PRKAR1B: variants seen among roughly 807,000 people sequenced by gnomAD.
The protein encoded by PRKAR1B is protein kinase cAMP-dependent type I regulatory subunit beta, also known as cAMP-dependent protein kinase type I-beta regulatory subunit.
In PRKAR1B, 22 loss-of-function variants were observed where a neutral mutation model predicts 46.5. The observed-to-expected ratio is 0.47, with a 90% CI of 0.34 to 0.68. The LOEUF is 0.68. PRKAR1B is among the 30% of genes least tolerant of loss of function. The pLI is 0.01. For synonymous variants in PRKAR1B, 259 were observed against 217.7 expected, an observed-to-expected ratio of 1.19 and a Z score of -1.67; for missense variants, 445 against 535.6, an observed-to-expected ratio of 0.83 and a Z score of 1.67.
At chr7:569,747 G>A (rs1562525989) in intron 9 of PRKAR1B, among the ~76,000 whole-genome samples, 1 of 152,166 alleles carries the variant, frequency 6.6e-6, no homozygotes, top group African/African-American at 2.4e-5. Context: ...CTGGCACCTG[G>A]TGGACAGCAG....
intron 9 of PRKAR1B, among the ~76,000 whole-genome samples, chr7:570,066 TC>T (rs1186431214): frequency 2.0e-5 from 3 of 152,228 alleles, no homozygotes; most frequent in African/African-American, 7.2e-5. Context: ...CGCTGAGATT[TC>T]CCTCAGACAG....
At chr7:686,193 C>T (rs1264125864) in intron 2 of PRKAR1B, among the ~76,000 whole-genome samples, 5 of 151,744 alleles carry the variant, frequency 3.3e-5, no homozygotes, top group Admixed American at 2.6e-4. Context: ...CCCAGCTACT[C>T]GGGAGGCTGA....
chr7:607,254 T>G, intron 5 of PRKAR1B, 137 bp downstream of exon 5: 1 of 708,392 alleles, frequency 1.4e-6, no homozygotes, highest in Non-Finnish European at 2.3e-6. Flanking sequence ...CCTCAGGTGA[T>G]CTGCCCACCT....
At chr7:615,746 T>C (rs1195851942) in intron 4 of PRKAR1B, among the ~76,000 whole-genome samples, 1 of 136,120 alleles carries the variant, frequency 7.3e-6, no homozygotes, top group South Asian at 2.4e-4. Flanking sequence ...GAGAATGGCA[T>C]GAACCCGGGA....
intron 4 of PRKAR1B, among the ~76,000 whole-genome samples, chr7:672,025 C>T (rs143528971): frequency 7.9e-5 from 12 of 152,316 alleles, no homozygotes; most frequent in South Asian, 2.1e-4. Context: ...GCCTGCTCCC[C>T]GGAAGAGCCA....
At chr7:642,478 C>A (rs903201191) in intron 4 of PRKAR1B, among the ~76,000 whole-genome samples, 1 of 148,340 alleles carries the variant, frequency 6.7e-6, no homozygotes, top group Non-Finnish European at 1.5e-5. Flanking sequence ...GTAATCCCAG[C>A]ACTTTGGGGG....
chr7:569,814 C>T (rs765640972), intron 9 of PRKAR1B, among the ~76,000 whole-genome samples: 1 of 152,186 alleles, frequency 6.6e-6, no homozygotes, highest in African/African-American at 2.4e-5. Flanking sequence ...CCCGTAATGA[C>T]CCTGGCCAGT....
intron 4 of PRKAR1B, among the ~76,000 whole-genome samples, 161 bp downstream of exon 4, chr7:677,068 G>A (rs1352556439): frequency 4.7e-5 from 7 of 150,360 alleles, no homozygotes; most frequent in South Asian, 2.1e-4. Flanking sequence ...CCCGGAGGCC[G>A]GAGAAGGCAG....
chr7:614,067 G>A (rs1782671701), intron 4 of PRKAR1B, among the ~76,000 whole-genome samples: 1 of 152,224 alleles, frequency 6.6e-6, no homozygotes, highest in Admixed American at 6.5e-5. Context: ...CCCACAGAGG[G>A]GAGGGGAGCC....
chr7:594,777 G>A (rs922571631), intron 7 of PRKAR1B, among the ~76,000 whole-genome samples: 1 of 151,940 alleles, frequency 6.6e-6, no homozygotes, highest in Non-Finnish European at 1.5e-5. Flanking sequence ...CCCAGACCAT[G>A]AGAGGACCCC....
intron 4 of PRKAR1B, among the ~76,000 whole-genome samples, chr7:612,480 A>G (rs1199269788): frequency 6.8e-6 from 1 of 148,062 alleles, no homozygotes; most frequent in African/African-American, 2.5e-5. Flanking sequence ...GGATGGATGT[A>G]AGGATGGATG....
chr7:552,007 C>T (rs901975407), intron 9 of PRKAR1B, among the ~76,000 whole-genome samples: 1 of 104,124 alleles, frequency 9.6e-6, no homozygotes, highest in Non-Finnish European at 1.9e-5. Context: ...CCCCCACCTC[C>T]CACCCAGGTC....
chr7:668,130 G>A (rs1047638528), intron 4 of PRKAR1B, among the ~76,000 whole-genome samples: 7 of 152,208 alleles, frequency 4.6e-5, no homozygotes, highest in Admixed American at 3.3e-4. Context: ...AAACCCTGCA[G>A]GTGGATGCAT....
At chr7:570,732 C>T (rs553943846) in intron 9 of PRKAR1B, among the ~76,000 whole-genome samples, 1 of 152,334 alleles carries the variant, frequency 6.6e-6, no homozygotes, top group African/African-American at 2.4e-5. Context: ...GCTGGCGTTC[C>T]AACCCCGGTC....
chr7:725,313 T>C (rs1323882376), intron 1 of PRKAR1B, among the ~76,000 whole-genome samples: 1 of 152,028 alleles, frequency 6.6e-6, no homozygotes, highest in Non-Finnish European at 1.5e-5. Context: ...GTCCTAAAAT[T>C]ACACACATTC....
intron 1 of PRKAR1B, among the ~76,000 whole-genome samples, chr7:716,274 T>A (rs1780881853): frequency 6.7e-6 from 1 of 149,664 alleles, no homozygotes. Context: ...CCTAGGCTAG[T>A]CTCGAATTCC....
At chr7:652,524 A>AC (rs149439803) in intron 4 of PRKAR1B, among the ~76,000 whole-genome samples, 1 of 151,842 alleles carries the variant, frequency 6.6e-6, no homozygotes, top group African/African-American at 2.4e-5. Context: ...ACCTGGGGAA[A>AC]CCCCTCTCGG....
chr7:582,287 G>A (rs752971535), intron 8 of PRKAR1B, among the ~76,000 whole-genome samples: 11 of 152,270 alleles, frequency 7.2e-5, no homozygotes, highest in Non-Finnish European at 1.0e-4. Context: ...AGGAGAAAGC[G>A]GGGTCCCAGG....
chr7:631,630 C>T (rs1015507733), intron 4 of PRKAR1B, among the ~76,000 whole-genome samples: 8 of 152,266 alleles, frequency 5.3e-5, no homozygotes, highest in African/African-American at 1.4e-4. Context: ...CACTGTCCTC[C>T]GAGCACACTG....
Sources: gnomAD v4.1 joint callset for allele counts (sites outside exome capture counted in the v4.1 genomes callset) on GRCh38, gnomAD v4.1.1 for gene constraint, MANE v1.5 for transcripts, NCBI Gene and HGNC (gene_info 2026-07-23, HGNC 2026-07-21) for gene names.